Variants in ATP10B observed in about 807,000 individuals in gnomAD.
ATP10B encodes the protein phospholipid-transporting ATPase VB.
ATP10B carries 122 observed loss-of-function variants against 141.2 expected under a neutral mutation model. That is an observed-to-expected ratio of 0.86 (90% CI 0.75 to 1.00). The LOEUF is 1.00. Among genes scored for constraint, ATP10B ranks in the 50% least tolerant of loss-of-function variants. The pLI is 0.00. For missense variants in ATP10B, 1,876 were observed against 1,825.3 expected, an observed-to-expected ratio of 1.03 and a Z score of -0.51; for synonymous variants, 685 against 692.0, an observed-to-expected ratio of 0.99 and a Z score of 0.16.
chr5:160,653,333 G>A (rs1761066473), intron 7 of ATP10B, among the ~76,000 whole-genome samples: 2 of 109,576 alleles, frequency 1.8e-5, no homozygotes, highest in South Asian at 2.9e-4. Flanking sequence ...ATATACATAC[G>A]TACATACATA....
intron 1 of ATP10B, among the ~76,000 whole-genome samples, chr5:160,835,632 T>C (rs940165317): frequency 8.5e-5 from 13 of 152,164 alleles, no homozygotes; most frequent in African/African-American, 3.1e-4. Flanking sequence ...CACATCATTT[T>C]CAACCAAAGA....
intron 7 of ATP10B, among the ~76,000 whole-genome samples, chr5:160,652,962 CATGTATATATAATAT>C (rs1208848382): frequency 1.4e-5 from 1 of 70,804 alleles, no homozygotes; most frequent in East Asian, 3.9e-4. Flanking sequence ...ATTATATATA[CATGTATATATAATAT>C]ATACATACAT....
chr5:160,876,742 G>C, the ATP10B span, among the ~76,000 whole-genome samples: 42 of 151,534 alleles, frequency 2.8e-4, 1 homozygote, highest in East Asian at 3.7e-3. Context: ...TACCATCAGA[G>C]AATACTACAA....
rs564307803 is a variant in ATP10B, at chr5:160,596,344, G to C, written c.3564+2426C>G. Among the ~76,000 whole-genome samples, 308 of 151,570 alleles carry C rather than the reference G, an allele frequency of 2.0e-3. 1 individual carries two copies. The highest frequency in any genetic ancestry group is 3.5e-3 in the Non-Finnish European group (235 of 67,832). On this transcript the variant is annotated intron_variant, in intron 22 of 25. Transcript: ENST00000327245. ...AAGGCCTTTGACGAAATTCAACAATGCTTCATGCTAAAAACTCTCAATAAA... is the reference window on the plus strand; with the variant it reads ...AAGGCCTTTGACGAAATTCAACAATCCTTCATGCTAAAAACTCTCAATAAA...
chr5:160,867,077 CCTAA>C, the ATP10B span, among the ~76,000 whole-genome samples: 9 of 152,036 alleles, frequency 5.9e-5, no homozygotes, highest in Non-Finnish European at 8.8e-5. Context: ...AGATAAATTA[CCTAA>C]CTTTTTTGAG....
chr5:160,769,368 C>T (rs531616099), intron 2 of ATP10B, among the ~76,000 whole-genome samples: 26 of 152,264 alleles, frequency 1.7e-4, no homozygotes, highest in Middle Eastern at 3.4e-3. Flanking sequence ...TGGGACGGGG[C>T]CCACATTTCA....
chr5:160,693,861 A>ACCTC (rs1349638307), intron 3 of ATP10B, among the ~76,000 whole-genome samples: 36 of 152,236 alleles, frequency 2.4e-4, no homozygotes, highest in African/African-American at 8.4e-4. Context: ...CCTGCCACTT[A>ACCTC]CCTCCTGCTG....
At chr5:160,880,715 T>A in the ATP10B span, among the ~76,000 whole-genome samples, 1 of 152,138 alleles carries the variant, frequency 6.6e-6, no homozygotes, top group East Asian at 1.9e-4. Context: ...TTTCAAGAAA[T>A]GGTGCTGGAA....
chr5:160,869,237 C>A, the ATP10B span, among the ~76,000 whole-genome samples: 1 of 152,020 alleles, frequency 6.6e-6, no homozygotes, highest in South Asian at 2.1e-4. Context: ...CACACTCTGC[C>A]CAACTCAACT....
chr5:160,812,261 T>TC (rs532320036), intron 1 of ATP10B, among the ~76,000 whole-genome samples: 2 of 152,166 alleles, frequency 1.3e-5, no homozygotes, highest in Non-Finnish European at 2.9e-5. Flanking sequence ...GTCAAGTTCT[T>TC]CCAAATACCT....
chr5:160,781,777 T>A (rs773249923), intron 2 of ATP10B, among the ~76,000 whole-genome samples: 4 of 152,138 alleles, frequency 2.6e-5, no homozygotes, highest in Non-Finnish European at 5.9e-5. Context: ...CAACCTATCT[T>A]GTTTAAAAAT....
At chr5:160,597,624 G>A (rs1756799279) in intron 22 of ATP10B, among the ~76,000 whole-genome samples, 1 of 151,802 alleles carries the variant, frequency 6.6e-6, no homozygotes, top group Non-Finnish European at 1.5e-5. Context: ...CAAAATGGGA[G>A]AAAATTTTTG....
the ATP10B span, among the ~76,000 whole-genome samples, chr5:160,861,575 G>T: frequency 2.0e-5 from 3 of 151,856 alleles, no homozygotes; most frequent in Non-Finnish European, 2.9e-5. Context: ...GATTAGTTTT[G>T]ATATTCGTAA....
chr5:160,664,804 C>T (rs1167684383), intron 7 of ATP10B, among the ~76,000 whole-genome samples: 3 of 152,174 alleles, frequency 2.0e-5, no homozygotes, highest in South Asian at 4.1e-4. Context: ...TAGCCAGGGA[C>T]ATGTTTGATC....
intron 1 of ATP10B, among the ~76,000 whole-genome samples, chr5:160,823,001 CATATATATATATATAT>C (rs60078265): frequency 5.8e-5 from 2 of 34,496 alleles, no homozygotes; most frequent in African/African-American, 1.9e-4. Flanking sequence ...TATATATATA[CATATATATATATATAT>C]ATATATATAT....
chr5:160,796,358 A>G (rs547168755), intron 1 of ATP10B, among the ~76,000 whole-genome samples: 2 of 152,184 alleles, frequency 1.3e-5, no homozygotes, highest in Admixed American at 6.5e-5. Flanking sequence ...TCCACTTACT[A>G]CGAACGTTGT....
At chr5:160,618,165 A>G (rs1019487153) in intron 15 of ATP10B, among the ~76,000 whole-genome samples, 192 bp from the exon 16 acceptor site, 11 of 152,296 alleles carry the variant, frequency 7.2e-5, no homozygotes, top group African/African-American at 2.4e-4. Flanking sequence ...GGAGTCCTTA[A>G]GCTGTCTGCT....
intron 24 of ATP10B, among the ~76,000 whole-genome samples, chr5:160,570,757 T>G (rs1754828935): frequency 1.3e-5 from 2 of 152,234 alleles, no homozygotes; most frequent in African/African-American, 4.8e-5. Flanking sequence ...TCTTTTTAAG[T>G]GCATCCTGTA....
At chr5:160,573,410 A>G (rs917182960) in intron 24 of ATP10B, among the ~76,000 whole-genome samples, 3 of 152,172 alleles carry the variant, frequency 2.0e-5, no homozygotes, top group Non-Finnish European at 2.9e-5. Flanking sequence ...GACGCAGACA[A>G]TTCTGCAGCT....
Sources: gnomAD v4.1 joint callset for allele counts (sites outside exome capture counted in the v4.1 genomes callset) on GRCh38, gnomAD v4.1.1 for gene constraint, MANE v1.5 for transcripts, NCBI Gene and HGNC (gene_info 2026-07-23, HGNC 2026-07-21) for gene names.